MIA2: variants seen among roughly 807,000 people sequenced by gnomAD.
The protein encoded by MIA2 is melanoma inhibitory activity protein 2.
MIA2 carries 127 observed loss-of-function variants against 167.8 expected under a neutral mutation model. The ratio of observed to expected loss-of-function variants is 0.76; its 90% CI spans 0.66 to 0.88. MIA2 has a LOEUF of 0.88. MIA2 is among the 40% of genes least tolerant of loss of function. The pLI is 0.00. For synonymous variants in MIA2, 552 were observed against 541.9 expected (o/e 1.02, Z -0.26); for missense variants, 1,690 against 1,624.7 (o/e 1.04, Z -0.69).
At chr14:39,282,381 AC>A (rs1260698652) in intron 9 of MIA2, among the ~76,000 whole-genome samples, 7 of 152,204 alleles carry the variant, frequency 4.6e-5, no homozygotes, top group South Asian at 4.1e-4. Flanking sequence ...ATGATGAGAT[AC>A]GTGTATAGTA....
chr14:39,341,754 A>G (rs1042594636), intron 25 of MIA2, among the ~76,000 whole-genome samples: 2 of 152,202 alleles, frequency 1.3e-5, no homozygotes, highest in Admixed American at 1.3e-4. Context: ...ATTGTTGAGC[A>G]TCAGTTTGAA....
intron 2 of MIA2, 81 bp downstream of exon 2, chr14:39,237,136 T>C (rs2053783824): frequency 6.7e-7 from 1 of 1,501,148 alleles, no homozygotes; most frequent in Admixed American, 1.9e-5. Context: ...TTTCTTTTTT[T>C]TGGAAACAGG....
rs2054643062 is a variant in MIA2, at chr14:39,252,925, C to T, written c.1745C>T (p.Thr582Ile). The change falls in exon 5 of 29, where the codon ACT (threonine) becomes ATT (isoleucine). Residue 582 changes from threonine to isoleucine, a missense_variant. Coordinates refer to ENST00000640607, the MANE Select transcript of MIA2 (RefSeq NM_001329214.4). ...CTGCTAAATAGTCAGATGGTTTCAACTGATAACTCTTTGTCTTCTCAAAAT... is the reference window on the plus strand; with the variant it reads ...CTGCTAAATAGTCAGATGGTTTCAATTGATAACTCTTTGTCTTCTCAAAAT... Reference protein sequence around the residue: ...NTLLNSQMVSTDNSLSSQNYI... With the variant: ...NTLLNSQMVSIDNSLSSQNYI... 1 of 1,613,012 alleles carries T rather than the reference C, an allele frequency of 6.2e-7. No individual in the cohort carries two copies. Among genetic ancestry groups the T allele is most frequent in the African/African-American group, 1.3e-5 (1 of 74,916 alleles).
chr14:39,263,861 T>C (rs1458583911), intron 6 of MIA2, among the ~76,000 whole-genome samples: 2 of 152,152 alleles, frequency 1.3e-5, no homozygotes, highest in African/African-American at 4.8e-5. Flanking sequence ...CTCGAACTCC[T>C]GACCTCGAGT....
At chr14:39,317,905 TATATAA>T (rs757549679) in intron 21 of MIA2, 33 bp from the exon 22 acceptor site, 10 of 1,378,134 alleles carry the variant, frequency 7.3e-6, no homozygotes, top group Non-Finnish European at 9.8e-6. Context: ...TTTTTAAGTT[TATATAA>T]ATATATTTTT....
chr14:39,328,163 G>C (rs899243849), intron 25 of MIA2, among the ~76,000 whole-genome samples: 1 of 152,050 alleles, frequency 6.6e-6, no homozygotes, highest in African/African-American at 2.4e-5. Context: ...TCACCATTCT[G>C]ACTGGCGTGA....
intron 16 of MIA2, among the ~76,000 whole-genome samples, 175 bp from the exon 17 acceptor site, chr14:39,304,116 G>C (rs1277925093): frequency 6.6e-6 from 1 of 152,026 alleles, no homozygotes; most frequent in Non-Finnish European, 1.5e-5. Context: ...CGACTTTGCT[G>C]GTTTTTTTAA....
At chr14:39,303,060 T>C (rs1017790229) in intron 15 of MIA2, among the ~76,000 whole-genome samples, 1 of 152,176 alleles carries the variant, frequency 6.6e-6, no homozygotes, top group Non-Finnish European at 1.5e-5. Flanking sequence ...GTTTGTACTT[T>C]TTCATTTCTA....
intron 23 of MIA2, among the ~76,000 whole-genome samples, chr14:39,384,497 CTTAT>C (rs1197689595): frequency 3.9e-5 from 6 of 151,952 alleles, no homozygotes; most frequent in Admixed American, 3.9e-4. Context: ...ACTTTCAAGT[CTTAT>C]TTTTTTAATT....
At chr14:39,347,803 G>A (rs772506755) in intron 27 of MIA2, 32 bp downstream of exon 27, 12 of 934,150 alleles carry the variant, frequency 1.3e-5, no homozygotes, top group East Asian at 5.7e-5. Flanking sequence ...TTGTATGCAT[G>A]TATTCAGAAG....
chr14:39,354,391 C>T (rs1048737501), downstream of MIA2, among the ~76,000 whole-genome samples: 4 of 152,138 alleles, frequency 2.6e-5, no homozygotes, highest in African/African-American at 9.7e-5. Flanking sequence ...TCATATCCTT[C>T]ACCCACTTGT....
chr14:39,314,847 T>A, intron 20 of MIA2, 48 bp downstream of exon 20: 1 of 1,200,892 alleles, frequency 8.3e-7, no homozygotes, highest in African/African-American at 1.6e-5. Context: ...TATATATATA[T>A]AATTTAAAAC....
Position 39,341,233 on chromosome 14 carries a change from G to C in MIA2, c.3656-4671G>C, listed in dbSNP as rs377173576. ...AGGAGAATTGCTTGACCCTGGGAGG[G>C]AGAGCTTACAGTGAGCTGAGACCGC... is the stretch of plus-strand genomic sequence containing the variant. On this transcript the variant is annotated intron_variant, in intron 25 of 28. Coordinates refer to ENST00000640607, the MANE Select transcript of MIA2 (RefSeq NM_001329214.4). Among the ~76,000 whole-genome samples the C allele has an allele frequency of 1.1e-4, 17 of 152,086 alleles. No individual in the cohort carries two copies. In the East Asian group the frequency reaches 2.3e-3, roughly 21 times the overall value.
At chr14:39,256,998 G>A (rs1263421034) in intron 6 of MIA2, among the ~76,000 whole-genome samples, 1 of 152,092 alleles carries the variant, frequency 6.6e-6, no homozygotes, top group Non-Finnish European at 1.5e-5. Flanking sequence ...CCATTCTTTT[G>A]CATTTGCTGA....
chr14:39,274,147 G>A (rs1253835447), intron 6 of MIA2, among the ~76,000 whole-genome samples: 1 of 152,090 alleles, frequency 6.6e-6, no homozygotes, highest in Non-Finnish European at 1.5e-5. Flanking sequence ...TAGATTTTAA[G>A]TGTTCTGTGA....
At chr14:39,331,945 T>C (rs887504831) in intron 25 of MIA2, among the ~76,000 whole-genome samples, 1 of 152,186 alleles carries the variant, frequency 6.6e-6, no homozygotes, top group Non-Finnish European at 1.5e-5. Flanking sequence ...GTTGTTCTTC[T>C]AGAAGAGTGT....
downstream of MIA2, among the ~76,000 whole-genome samples, chr14:39,355,346 T>G (rs1484520603): frequency 6.6e-6 from 1 of 152,138 alleles, no homozygotes; most frequent in African/African-American, 2.4e-5. Context: ...TGATTTGGCT[T>G]TCTGTTTGTC....
intron 23 of MIA2, among the ~76,000 whole-genome samples, chr14:39,376,476 G>T (rs1202685312): frequency 6.6e-6 from 1 of 152,076 alleles, no homozygotes; most frequent in Non-Finnish European, 1.5e-5. Flanking sequence ...TTTAATATCA[G>T]TAGGTTTAAT....
At chr14:39,263,389 C>CT (rs1037043049) in intron 6 of MIA2, among the ~76,000 whole-genome samples, 378 of 138,162 alleles carry the variant, frequency 2.7e-3, no homozygotes, top group Admixed American at 7.1e-3. Flanking sequence ...ATGGATTGTT[C>CT]TTTTTTTTTT....
Sources: gnomAD v4.1 joint callset for allele counts (sites outside exome capture counted in the v4.1 genomes callset) on GRCh38, gnomAD v4.1.1 for gene constraint, MANE v1.5 for transcripts, NCBI Gene and HGNC (gene_info 2026-07-23, HGNC 2026-07-21) for gene names.